Variants in COL12A1 observed in about 807,000 individuals in gnomAD.
COL12A1 encodes collagen type XII alpha 1 chain.
Under a neutral mutation model 349.7 loss-of-function variants are expected in COL12A1, and 114 were observed. That is an observed-to-expected ratio of 0.33 (90% CI 0.28 to 0.38). COL12A1 has a LOEUF of 0.38. Among genes scored for constraint, COL12A1 ranks in the 10% least tolerant of loss-of-function variants. The pLI, the probability that COL12A1 is intolerant of heterozygous loss-of-function variation, is 1.00. For synonymous variants in COL12A1, 1,369 were observed against 1,329.0 expected, an observed-to-expected ratio of 1.03 and a Z score of -0.66; for missense variants, 3,284 against 3,756.9, an observed-to-expected ratio of 0.87 and a Z score of 3.29.
chr6:75,177,920 C>T lies in COL12A1; in HGVS notation c.2180G>A (p.Arg727Gln), dbSNP rs775023310. 1.0e-5 allele frequency: 16 copies of T among 1,603,898 alleles called. No homozygotes were observed. The highest frequency in any genetic ancestry group is 8.5e-5 in the Admixed American group (5 of 58,696). The change falls in exon 12 of 66, where the codon CGA becomes CAA. Residue 727 changes from arginine (R) to glutamine (Q), a missense_variant. Around this residue, in one of 2 missense-constraint regions of COL12A1, gnomAD observed 2,601 missense variants for 2,824.8 expected, o/e 0.92. Coordinates refer to ENST00000322507, the MANE Select transcript of COL12A1 (RefSeq NM_004370.6). ...AGTCTCATCTGTCACCTTTAGGTTT[C>T]GAGGTGCTCCTTTTACTGAAATAAA... ...ETTEEVKGAP[R>Q]NLKVTDETTD...
chr6:75,194,348 G>A (rs1770108930), intron 3 of COL12A1, among the ~76,000 whole-genome samples: 1 of 152,100 alleles, frequency 6.6e-6, no homozygotes, highest in Admixed American at 6.6e-5. Flanking sequence ...TAGTGTCGAT[G>A]GAATCCACCT....
intron 34 of COL12A1, among the ~76,000 whole-genome samples, chr6:75,132,336 G>T (rs144079034): frequency 1.7e-3 from 261 of 152,302 alleles, no homozygotes; most frequent in Admixed American, 2.9e-3. Flanking sequence ...GGTGGAACTG[G>T]ATTGGCCATA....
Position 75,186,473 on chromosome 6 carries a change from T to C in COL12A1, c.997+1889A>G, listed in dbSNP as rs527452803. 1.4e-4 allele frequency among the ~76,000 whole-genome samples: 21 copies of C among 152,246 alleles called. No homozygotes were observed. The East Asian group carries it at 3.7e-3, about 27-fold the overall frequency. ...TATTAAAAAGTCAAAAAATAACAAA[T>C]GCTGGTGAGGTAGTGGAGAAAAAGG... On this transcript the variant is annotated intron_variant, in intron 8 of 65. Transcript: ENST00000322507.
chr6:75,184,276 C>A, intron 8 of COL12A1, 132 bp from the exon 9 acceptor site: 1 of 951,080 alleles, frequency 1.1e-6, no homozygotes, highest in Non-Finnish European at 1.5e-6. Context: ...TGCCCAATAC[C>A]CGCCTCAGTC....
chr6:75,187,476 A>G (rs1769689205), intron 8 of COL12A1, among the ~76,000 whole-genome samples: 1 of 152,134 alleles, frequency 6.6e-6, no homozygotes, highest in South Asian at 2.1e-4. Flanking sequence ...CTGAGTGAAG[A>G]GAAGTAATCA....
chr6:75,144,613 T>A (rs1767083699), intron 25 of COL12A1, among the ~76,000 whole-genome samples: 1 of 152,040 alleles, frequency 6.6e-6, no homozygotes, highest in South Asian at 2.1e-4. Context: ...GTAAATGCAA[T>A]CATTGTCACG....
At position 75,117,817 on chromosome 6, in the gene COL12A1, G is replaced by A. The variant is rs116786221; in HGVS notation, c.7355-271C>T. On this transcript the variant is annotated intron_variant, in intron 46 of 65. Transcript: ENST00000322507. The stretch of plus-strand genomic sequence containing the variant: ...TTTTAATAGCAGAAAGACTTCATGT[G>A]GTGCACACTGCCTTCCACAGATCCA... 1.6e-3 allele frequency: 511 copies of A among 323,214 alleles called. 3 individuals carry two copies. Among genetic ancestry groups the A allele is most frequent in the African/African-American group, 0.01 (481 of 48,068 alleles). 20.0% of individuals were successfully genotyped at this position (323,214 alleles called of 1,614,324 possible). A position where few individuals can be genotyped will look rare whatever the true frequency, so the allele number is the denominator to read the frequency against.
At chr6:75,172,934 G>A (rs1275361254) in intron 13 of COL12A1, among the ~76,000 whole-genome samples, 7 of 152,138 alleles carry the variant, frequency 4.6e-5, no homozygotes, top group South Asian at 2.1e-4. Context: ...GCCGACTGCC[G>A]GACTTGAGTA....
At chr6:75,132,453 TA>T (rs1766356304) in intron 34 of COL12A1, among the ~76,000 whole-genome samples, 1 of 152,212 alleles carries the variant, frequency 6.6e-6, no homozygotes. Flanking sequence ...GCCTTCTAAG[TA>T]AAATCTGACA....
intron 14 of COL12A1, among the ~76,000 whole-genome samples, chr6:75,163,310 C>T (rs1451921491): frequency 1.3e-5 from 2 of 152,178 alleles, no homozygotes; most frequent in African/African-American, 4.8e-5. Context: ...GACACATATA[C>T]ACCATGGAAT....
intron 38 of COL12A1, 64 bp downstream of exon 38, chr6:75,128,232 A>G: frequency 7.0e-7 from 1 of 1,421,888 alleles, no homozygotes; most frequent in Non-Finnish European, 9.3e-7. Context: ...AAAAGGTATA[A>G]AAGCAACATT....
chr6:75,165,826 G>C lies in COL12A1; in HGVS notation c.2711-47C>G, dbSNP rs777445240. ...AATCTTTTTTAAAAATGTCTAGTAG[G>C]TATTTAAGTATTATATTCATTGATC... On this transcript the variant is annotated intron_variant, in intron 13 of 65. Coordinates refer to ENST00000322507, the MANE Select transcript of COL12A1 (RefSeq NM_004370.6). The C allele has an allele frequency of 3.9e-6, 6 of 1,540,748 alleles. No homozygotes were observed. The East Asian group carries it at 1.4e-4, about 35-fold the overall frequency.
chr6:75,109,308 G>T, intron 51 of COL12A1, 141 bp from the exon 52 acceptor site: 1 of 587,760 alleles, frequency 1.7e-6, no homozygotes, highest in Non-Finnish European at 2.8e-6. Context: ...AAATCCAAGA[G>T]CAGTTGGCAA....
At chr6:75,147,855 T>G in intron 22 of COL12A1, 51 bp from the exon 23 acceptor site, 1 of 1,585,726 alleles carries the variant, frequency 6.3e-7, no homozygotes, top group Non-Finnish European at 8.6e-7. Context: ...TCAGTTCCCT[T>G]TTTCCTACTA....
intron 51 of COL12A1, 63 bp from the exon 52 acceptor site, chr6:75,109,230 T>C (rs1768714413): frequency 4.2e-6 from 5 of 1,191,296 alleles, no homozygotes; most frequent in Non-Finnish European, 5.8e-6. Flanking sequence ...TGACTCTGCA[T>C]AGTTTAGATC....
At chr6:75,122,420 G>A (rs1765789280) in intron 43 of COL12A1, among the ~76,000 whole-genome samples, 1 of 152,170 alleles carries the variant, frequency 6.6e-6, no homozygotes, top group African/African-American at 2.4e-5. Context: ...GGCTGGGCAT[G>A]TGTGGGGAAG....
rs1381002988 is a variant in COL12A1, at chr6:75,131,959, C to T, written c.5918G>A (p.Gly1973Asp). ...QYRVVYSPVD[G>D]TRPSESIVVP... is the part of the protein sequence containing the mutation. The stretch of plus-strand genomic sequence containing the variant: ...ACTTACAGATTCTGAGGGTCTTGTG[C>T]CATCCACAGGAGAATACACAACGCG... The change falls in exon 35 of 66, where the codon GGC (glycine) becomes GAC (aspartate). Residue 1973 changes from glycine (G) to aspartate (D), a missense_variant. This residue lies in a region of COL12A1 where 2,601 missense variants were observed against 2,824.8 expected (regional missense o/e 0.92). Transcript: ENST00000322507. 2 of 1,613,840 alleles carry T rather than the reference C, an allele frequency of 1.2e-6. No homozygotes were observed. Among genetic ancestry groups the T allele is most frequent in the Non-Finnish European group, 1.7e-6 (2 of 1,179,864 alleles).
Position 75,126,369 on chromosome 6 carries a change from T to C in COL12A1, c.6442A>G (p.Ile2148Val), listed in dbSNP as rs778154172. The change falls in exon 39 of 66, where the codon ATA (isoleucine) becomes GTA (valine). Residue 2148 changes from isoleucine to valine, a missense_variant. Transcript: ENST00000322507. ...PSPSPVLGYK[I>V]VYKPVGSNEP... ...TCCTTACCCACTGGCTTATATACTATTTTATATCCAAGAACTGGAGAAGGT... is the reference window on the plus strand; with the variant it reads ...TCCTTACCCACTGGCTTATATACTACTTTATATCCAAGAACTGGAGAAGGT... The C allele has an allele frequency of 5.0e-6, 8 of 1,610,504 alleles. No individual in the cohort carries two copies. The South Asian group carries it at 8.8e-5, about 18-fold the overall frequency.
chr6:75,160,901 C>A (rs1030273283), intron 14 of COL12A1, among the ~76,000 whole-genome samples: 1 of 152,140 alleles, frequency 6.6e-6, no homozygotes, highest in African/African-American at 2.4e-5. Context: ...TCAATAAAAA[C>A]CAAAACACTT....
Sources: allele counts gnomAD v4.1 joint callset (sites outside exome capture counted in the v4.1 genomes callset), GRCh38; gene constraint gnomAD v4.1.1; regional missense constraint gnomAD v4.1.1; transcripts MANE v1.5; gene names NCBI Gene and HGNC (gene_info 2026-07-23, HGNC 2026-07-21).